The following CDC16 variants were observed in gnomAD, a reference collection of about 807,000 sequenced individuals.
The protein encoded by CDC16 is cell division cycle protein 16 homolog.
Under a neutral mutation model 87.0 loss-of-function variants are expected in CDC16, and 34 were observed. The ratio of observed to expected loss-of-function variants is 0.39; its 90% CI spans 0.30 to 0.52. The LOEUF is 0.52. CDC16 is among the 20% of genes least tolerant of loss of function. CDC16 has a pLI of 0.74. For synonymous variants in CDC16, 263 were observed against 260.6 expected (o/e 1.01, Z -0.09); for missense variants, 653 against 751.9 (o/e 0.87, Z 1.54).
At chr13:114,261,274 G>A (rs1466241789) in intron 14 of CDC16, among the ~76,000 whole-genome samples, 1 of 152,144 alleles carries the variant, frequency 6.6e-6, no homozygotes, top group Non-Finnish European at 1.5e-5. Context: ...TTATCCTGAG[G>A]AGAATGGGAA....
intron 1 of CDC16, among the ~76,000 whole-genome samples, chr13:114,235,346 C>T (rs2081194002): frequency 6.6e-6 from 1 of 151,786 alleles, no homozygotes; most frequent in Non-Finnish European, 1.5e-5. Flanking sequence ...GTGGAGGCCC[C>T]CGAGCGCACG....
At chr13:114,258,921 A>G (rs2082670791) in intron 13 of CDC16, among the ~76,000 whole-genome samples, 1 of 152,038 alleles carries the variant, frequency 6.6e-6, no homozygotes, top group Non-Finnish European at 1.5e-5. Context: ...AACATGGCGA[A>G]ACCCCATCTC....
chr13:114,262,869 T>C lies in CDC16; in HGVS notation c.1377-10T>C. ...TTTACTGTAGCCAATAATTGTGTTC[T>C]CTCCCACAGAAAGTATGCTGAGGCC... On this transcript the variant is annotated splice_polypyrimidine_tract_variant and intron_variant, in intron 15 of 17. Transcript: ENST00000356221. 1 of 1,614,104 alleles carries C rather than the reference T, an allele frequency of 6.2e-7. No individual in the cohort carries two copies. Among genetic ancestry groups the C allele is most frequent in the African/African-American group, 1.3e-5 (1 of 75,048 alleles).
intron 11 of CDC16, among the ~76,000 whole-genome samples, chr13:114,247,881 AAAT>A (rs948056740): frequency 1.1e-4 from 16 of 152,280 alleles, no homozygotes; most frequent in South Asian, 2.1e-4. Context: ...TGTCTCAAAA[AAAT>A]AATAATAATA....
chr13:114,255,664 A>G (rs1007756337), intron 12 of CDC16, among the ~76,000 whole-genome samples: 1 of 152,094 alleles, frequency 6.6e-6, no homozygotes, highest in Admixed American at 6.5e-5. Context: ...CAACCTGTAC[A>G]TAGAGTCTCA....
chr13:114,246,344 C>T (rs2081872975), intron 10 of CDC16, among the ~76,000 whole-genome samples: 1 of 152,120 alleles, frequency 6.6e-6, no homozygotes, highest in African/African-American at 2.4e-5. Context: ...AAATACTGAC[C>T]ATGACAGTCA....
intron 6 of CDC16, 97 bp from the exon 7 acceptor site, chr13:114,243,160 C>T (rs2081645751): frequency 1.5e-6 from 1 of 674,490 alleles, no homozygotes; most frequent in Non-Finnish European, 2.7e-6. Flanking sequence ...GTTTGATTTA[C>T]TTAGACCAAG....
At chr13:114,238,058 A>C (rs1275949854) in intron 3 of CDC16, among the ~76,000 whole-genome samples, 1 of 152,180 alleles carries the variant, frequency 6.6e-6, no homozygotes, top group African/African-American at 2.4e-5. Context: ...TGCTGCTGTG[A>C]GCTCCTTGGA....
At chr13:114,252,406 A>G (rs2082247066) in intron 12 of CDC16, among the ~76,000 whole-genome samples, 1 of 152,196 alleles carries the variant, frequency 6.6e-6, no homozygotes, top group South Asian at 2.1e-4. Flanking sequence ...GATTTAATGT[A>G]TGAATTTGGG....
chr13:114,243,382 T>C (rs752796084), intron 7 of CDC16, 34 bp downstream of exon 7: 2 of 981,668 alleles, frequency 2.0e-6, no homozygotes, highest in South Asian at 1.3e-5. Context: ...ACTTGCTTTA[T>C]GTAAATATCT....
chr13:114,257,306 G>T, intron 13 of CDC16, 76 bp downstream of exon 13: 63 of 777,510 alleles, frequency 8.1e-5, no homozygotes, highest in Middle Eastern at 2.6e-4. Context: ...AGAGTTCACT[G>T]ACAAAAGCGA....
At chr13:114,251,018 G>A (rs192782213) in intron 12 of CDC16, among the ~76,000 whole-genome samples, 13 of 152,310 alleles carry the variant, frequency 8.5e-5, no homozygotes, top group Admixed American at 7.8e-4. Flanking sequence ...AAAGGTATTT[G>A]ATGTGGCTTA....
chr13:114,259,362 T>C lies in CDC16; in HGVS notation c.1278T>C (p.Leu426=). The C allele has an allele frequency of 6.3e-7, 1 of 1,577,638 alleles. No homozygotes were observed. The highest frequency in any genetic ancestry group is 8.5e-7 in the Non-Finnish European group (1 of 1,170,620). ...GGAAAACAGCCGAAAAATGGTTTCT[T>C]GATGCTTTGGAAAAAATTAAAGCAA... is the stretch of plus-strand genomic sequence containing the variant. The part of the protein sequence containing the change: ...GEWKTAEKWF[L]DALEKIKAIG... Residue 426 remains leucine (L), a synonymous_variant, in exon 14 of 18, where the codon CTT becomes CTC. Coordinates refer to ENST00000356221, the MANE Select transcript of CDC16 (RefSeq NM_001078645.3).
Position 114,250,685 on chromosome 13 carries a change from G to A in CDC16, c.1097+11G>A. 1.2e-6 allele frequency: 2 copies of A among 1,613,146 alleles called. No homozygotes were observed. Among genetic ancestry groups the A allele is most frequent in the South Asian group, 2.2e-5 (2 of 90,964 alleles). ...ACAGCTGATGAAAGGGTACGGCAGA[G>A]CAAACTCATCAAACTCCATGAAGGG... On this transcript the variant is annotated intron_variant, in intron 12 of 17. Transcript: ENST00000356221.
intron 15 of CDC16, 95 bp downstream of exon 15, chr13:114,262,043 C>A: frequency 1.4e-6 from 1 of 690,688 alleles, no homozygotes; most frequent in Admixed American, 2.7e-5. Context: ...ATGAGATCAA[C>A]CAGCTTTCTT....
At chr13:114,259,823 G>A (rs1269692479) in intron 14 of CDC16, among the ~76,000 whole-genome samples, 7 of 152,146 alleles carry the variant, frequency 4.6e-5, no homozygotes, top group Non-Finnish European at 1.0e-4. Context: ...GATGGGATAG[G>A]TATTACTGAA....
At chr13:114,259,255 A>G (rs1047473970) in intron 13 of CDC16, 80 bp from the exon 14 acceptor site, 3 of 884,346 alleles carry the variant, frequency 3.4e-6, no homozygotes, top group Admixed American at 5.3e-5. Context: ...TAGTACTACT[A>G]GAAAGGTAAT....
At position 114,262,861 on chromosome 13, in the gene CDC16, T is replaced by C; in HGVS notation, c.1377-18T>C. The C allele has an allele frequency of 1.2e-6, 2 of 1,613,950 alleles. No homozygotes were observed. Among genetic ancestry groups the C allele is most frequent in the Middle Eastern group, 3.3e-4 (2 of 6,062 alleles). On this transcript the variant is annotated intron_variant, in intron 15 of 17. Coordinates refer to ENST00000356221, the MANE Select transcript of CDC16 (RefSeq NM_001078645.3). ...TTAGTGCTTTTACTGTAGCCAATAA[T>C]TGTGTTCTCTCCCACAGAAAGTATG...
chr13:114,266,187 G>A (rs1326855558), intron 17 of CDC16, among the ~76,000 whole-genome samples: 1 of 152,172 alleles, frequency 6.6e-6, no homozygotes, highest in East Asian at 1.9e-4. Context: ...ACAAAACAGA[G>A]CAGAGCCTTA....
Sources: gnomAD v4.1 joint callset for allele counts (sites outside exome capture counted in the v4.1 genomes callset) on GRCh38, gnomAD v4.1.1 for gene constraint, MANE v1.5 for transcripts, NCBI Gene and HGNC (gene_info 2026-07-23, HGNC 2026-07-21) for gene names.